RUNDC3B: variants seen among roughly 807,000 people sequenced by gnomAD.
RUNDC3B encodes RUN domain containing 3B, also known as RUN domain-containing protein 3B.
In RUNDC3B, 33 loss-of-function variants were observed where a neutral mutation model predicts 58.4. That is an observed-to-expected ratio of 0.56 (90% CI 0.43 to 0.75). RUNDC3B has a LOEUF of 0.75. Among genes scored for constraint, RUNDC3B ranks in the 30% least tolerant of loss-of-function variants. The pLI, the probability that RUNDC3B is intolerant of heterozygous loss-of-function variation, is 0.00. For synonymous variants in RUNDC3B, 193 were observed against 195.2 expected, an observed-to-expected ratio of 0.99 and a Z score of 0.10; for missense variants, 501 against 535.7, an observed-to-expected ratio of 0.94 and a Z score of 0.64.
Position 87,829,930 on chromosome 7 carries a change from C to CTTA in RUNDC3B, c.1271_1272insTTA (p.Thr424_Ser425insTer). ...TTACTTGGCCTCTGTGGATCTCTAACGTCAGTGGCAAGTTACAAGTCTCTA... is the reference window on the plus strand; with the variant it reads ...TTACTTGGCCTCTGTGGATCTCTAACTTAGTCAGTGGCAAGTTACAAGTCTCTA... On this transcript the variant is annotated stop_gained and inframe_insertion, in exon 11 of 11. Transcript: ENST00000394654. LOFTEE classifies it high-confidence loss of function. 1 of 1,608,562 alleles carries CTTA rather than the reference C, an allele frequency of 6.2e-7. No homozygotes were observed. Among genetic ancestry groups the CTTA allele is most frequent in the Non-Finnish European group, 8.5e-7 (1 of 1,176,394 alleles).
At chr7:87,802,979 T>TA (rs1483056118) in intron 8 of RUNDC3B, among the ~76,000 whole-genome samples, 4 of 152,044 alleles carry the variant, frequency 2.6e-5, no homozygotes, top group Non-Finnish European at 4.4e-5. Context: ...ATTGAGACCC[T>TA]ACTCAAAATA....
At chr7:87,658,089 C>A (rs1824302222) in intron 2 of RUNDC3B, among the ~76,000 whole-genome samples, 1 of 152,090 alleles carries the variant, frequency 6.6e-6, no homozygotes, top group Non-Finnish European at 1.5e-5. Context: ...ACTGAGATGA[C>A]AGAGGTGTTA....
At chr7:87,656,051 C>T (rs1469016542) in intron 2 of RUNDC3B, among the ~76,000 whole-genome samples, 1 of 151,984 alleles carries the variant, frequency 6.6e-6, no homozygotes, top group Non-Finnish European at 1.5e-5. Context: ...TCTTGGACTT[C>T]CCAGCCTCTA....
In RUNDC3B at chr7:87,739,821, G is replaced by A. The variant is rs757628923; in HGVS notation, c.489G>A (p.Leu163=). ...TTTATGAAGATGGAGCAATTGTCTT[G>A]GGTGAAGAAGCAAATATGCTTGCTG... is the stretch of plus-strand genomic sequence containing the variant. ...RRFYEDGAIV[L]GEEANMLAGM... The change falls in exon 5 of 11, where the codon TTG becomes TTA. Residue 163 remains leucine, a synonymous_variant. Transcript: ENST00000394654. The A allele has an allele frequency of 1.3e-6, 2 of 1,593,448 alleles. No individual in the cohort carries two copies. Among genetic ancestry groups the A allele is most frequent in the Admixed American group, 1.7e-5 (1 of 59,780 alleles).
intron 9 of RUNDC3B, among the ~76,000 whole-genome samples, chr7:87,815,038 T>A (rs1471058530): frequency 2.6e-5 from 4 of 152,152 alleles, no homozygotes; most frequent in Non-Finnish European, 4.4e-5. Context: ...GCCTTTTTTT[T>A]AAACAGTCAA....
Position 87,710,640 on chromosome 7 carries a change from A to C in RUNDC3B, c.443A>C (p.Asp148Ala). ...LSEYISTALR[D>A]FKTTRRFYED... ...GAATACATCTCTACAGCTCTGAGAG[A>C]CTTCAAAACAACCAGGTTTAAAAGT... Residue 148 changes from aspartate (D) to alanine (A), a missense_variant, in exon 4 of 11, where the codon GAC (aspartate) becomes GCC (alanine). Coordinates refer to ENST00000394654, the MANE Select transcript of RUNDC3B (RefSeq NM_001134405.2). The C allele has an allele frequency of 1.3e-6, 2 of 1,586,810 alleles. No individual in the cohort carries two copies. The highest frequency in any genetic ancestry group is 1.7e-6 in the Non-Finnish European group (2 of 1,161,636).
chr7:87,633,809 A>G (rs2130218732), intron 1 of RUNDC3B, among the ~76,000 whole-genome samples: 1 of 152,316 alleles, frequency 6.6e-6, no homozygotes. Context: ...AAATGCAGAT[A>G]TGTGAAATGT....
At chr7:87,708,772 T>G (rs971440718) in intron 3 of RUNDC3B, among the ~76,000 whole-genome samples, 4 of 152,200 alleles carry the variant, frequency 2.6e-5, no homozygotes, top group African/African-American at 9.6e-5. Context: ...CTCTTCTAAT[T>G]GTGTCTGTTT....
At chr7:87,672,963 A>G (rs1214706108) in intron 2 of RUNDC3B, among the ~76,000 whole-genome samples, 2 of 152,154 alleles carry the variant, frequency 1.3e-5, no homozygotes, top group African/African-American at 4.8e-5. Flanking sequence ...TATGAGAGCC[A>G]TGCACACTGG....
chr7:87,690,223 A>C (rs1224288376), intron 2 of RUNDC3B, among the ~76,000 whole-genome samples: 1 of 152,164 alleles, frequency 6.6e-6, no homozygotes, highest in East Asian at 1.9e-4. Flanking sequence ...ATTATCCATA[A>C]ATTCAAATAC....
chr7:87,785,070 C>T (rs926246324), intron 8 of RUNDC3B, among the ~76,000 whole-genome samples: 8 of 151,980 alleles, frequency 5.3e-5, no homozygotes, highest in Middle Eastern at 3.2e-3. Flanking sequence ...GTTGGTGCCA[C>T]GGATTTATAG....
chr7:87,690,083 A>C (rs1827873344), intron 2 of RUNDC3B, among the ~76,000 whole-genome samples: 1 of 151,852 alleles, frequency 6.6e-6, no homozygotes, highest in African/African-American at 2.4e-5. Context: ...TTCTGCTTCC[A>C]CCTCCTAAAG....
intron 2 of RUNDC3B, among the ~76,000 whole-genome samples, chr7:87,656,180 C>T (rs1407706264): frequency 6.6e-6 from 1 of 151,898 alleles, no homozygotes; most frequent in Non-Finnish European, 1.5e-5. Context: ...TTAATTAGTA[C>T]AATTTAGCCA....
intron 2 of RUNDC3B, among the ~76,000 whole-genome samples, chr7:87,651,702 T>C (rs984775765): frequency 6.6e-6 from 1 of 152,134 alleles, no homozygotes; most frequent in South Asian, 2.1e-4. Context: ...ACATAACTTA[T>C]GAGCATCTCA....
chr7:87,628,619 GTGT>G lies in RUNDC3B; in HGVS notation c.-204_-202del. On this transcript the variant is annotated 5_prime_UTR_variant, in exon 1 of 11. Coordinates refer to ENST00000394654, the MANE Select transcript of RUNDC3B (RefSeq NM_001134405.2). ...TGTGTGTGTGTGTGTGTGTGTGTGT[GTGT>G]GTGGAGCTCGGGTGCCAAGGGCGAG... The G allele has an allele frequency of 6.5e-6, 2 of 306,998 alleles. No individual in the cohort carries two copies. Among genetic ancestry groups the G allele is most frequent in the Non-Finnish European group, 1.2e-5 (2 of 171,716 alleles). The allele number at this position is 306,998 out of a possible 1,614,324, so 19.0% of individuals were successfully genotyped here. A position where few individuals can be genotyped will look rare whatever the true frequency, so the allele number is the denominator to read the frequency against.
intron 8 of RUNDC3B, among the ~76,000 whole-genome samples, chr7:87,807,017 C>T (rs1213479015): frequency 6.6e-6 from 1 of 151,732 alleles, no homozygotes; most frequent in Non-Finnish European, 1.5e-5. Flanking sequence ...GGAATCTTTA[C>T]TTATTAAATA....
rs1483508348 is a variant in RUNDC3B at position 87,687,686 on chromosome 7, G to T, written c.239-12735G>T. On this transcript the variant is annotated intron_variant, in intron 2 of 10. Coordinates refer to ENST00000394654, the MANE Select transcript of RUNDC3B (RefSeq NM_001134405.2). Reference sequence around the variant, plus strand: ...CTTTATTTTTTTCTGATAGGACTTGGATTTGGACTCTTAAAACGAGTTAGA... The same window carrying T: ...CTTTATTTTTTTCTGATAGGACTTGTATTTGGACTCTTAAAACGAGTTAGA... Among the ~76,000 whole-genome samples, 6 of 152,052 alleles carry T rather than the reference G, an allele frequency of 3.9e-5. No individual in the cohort carries two copies. In the East Asian group the frequency reaches 1.2e-3, roughly 29 times the overall value.
intron 6 of RUNDC3B, among the ~76,000 whole-genome samples, chr7:87,747,291 TG>T (rs200426873): frequency 6.6e-6 from 1 of 152,104 alleles, no homozygotes; most frequent in East Asian, 1.9e-4. Context: ...TGGCTTCTAC[TG>T]GGGGGGTGTG....
chr7:87,807,658 T>G (rs1460985895), intron 9 of RUNDC3B, 139 bp downstream of exon 9: 1 of 654,696 alleles, frequency 1.5e-6, no homozygotes, highest in Non-Finnish European at 2.6e-6. Context: ...ACTACTTTGG[T>G]AAGGTTAGAT....
Sources: gnomAD v4.1 joint callset for allele counts (sites outside exome capture counted in the v4.1 genomes callset) on GRCh38, gnomAD v4.1.1 for gene constraint, MANE v1.5 for transcripts, NCBI Gene and HGNC (gene_info 2026-07-23, HGNC 2026-07-21) for gene names.